Variants in EPHA3 observed in about 807,000 individuals in gnomAD.
EPHA3 encodes EPH receptor A3, also known as ephrin type-A receptor 3.
In EPHA3, 42 loss-of-function variants were observed where a neutral mutation model predicts 107.1. That is an observed-to-expected ratio of 0.39 (90% CI 0.31 to 0.51). The LOEUF (loss-of-function observed/expected upper bound fraction) is 0.51, where lower values mean the gene tolerates loss of function less well. EPHA3 is among the 20% of genes least tolerant of loss of function. EPHA3 has a pLI of 0.78. For synonymous variants in EPHA3, 461 were observed against 424.8 expected (o/e 1.09, Z -1.05); for missense variants, 1,183 against 1,211.2 (o/e 0.98, Z 0.35).
intron 3 of EPHA3, among the ~76,000 whole-genome samples, chr3:89,280,766 G>A (rs545256678): frequency 6.6e-6 from 1 of 152,150 alleles, no homozygotes; most frequent in African/African-American, 2.4e-5. Context: ...TAACAATACT[G>A]ACTATATTAC....
intron 12 of EPHA3, among the ~76,000 whole-genome samples, chr3:89,430,704 T>G (rs116723031): frequency 6.6e-6 from 1 of 152,148 alleles, no homozygotes; most frequent in Non-Finnish European, 1.5e-5. Context: ...TTTATGATAA[T>G]GTTTAAAAAT....
intron 5 of EPHA3, among the ~76,000 whole-genome samples, chr3:89,387,500 T>C (rs1409908555): frequency 2.0e-5 from 3 of 152,184 alleles, no homozygotes; most frequent in Non-Finnish European, 4.4e-5. Context: ...CTCTTTCATT[T>C]ATAAATTACC....
chr3:89,233,490 T>C (rs552177059), intron 3 of EPHA3, among the ~76,000 whole-genome samples: 6 of 152,338 alleles, frequency 3.9e-5, no homozygotes, highest in African/African-American at 1.2e-4. Context: ...TTCATTGTTA[T>C]TGTTGTTGAC....
chr3:89,178,518 T>C (rs1480812282), intron 2 of EPHA3, among the ~76,000 whole-genome samples: 1 of 152,008 alleles, frequency 6.6e-6, no homozygotes, highest in South Asian at 2.1e-4. Flanking sequence ...TTTTAGTCCT[T>C]GGGGAATAAT....
intron 13 of EPHA3, among the ~76,000 whole-genome samples, chr3:89,448,247 T>G (rs1709917613): frequency 6.6e-6 from 1 of 152,102 alleles, no homozygotes; most frequent in South Asian, 2.1e-4. Context: ...GAATCAAAAT[T>G]TTCATTTTAC....
intron 3 of EPHA3, among the ~76,000 whole-genome samples, chr3:89,335,070 G>A (rs1276727945): frequency 6.6e-6 from 1 of 151,988 alleles, no homozygotes; most frequent in Non-Finnish European, 1.5e-5. Context: ...TTAAAAGCTG[G>A]GATTTTGACT....
At chr3:89,229,549 A>G (rs1704578745) in intron 3 of EPHA3, among the ~76,000 whole-genome samples, 1 of 151,036 alleles carries the variant, frequency 6.6e-6, no homozygotes, top group South Asian at 2.1e-4. Flanking sequence ...AAATATATAT[A>G]TTTAATTAGG....
At chr3:89,182,930 A>G (rs759955387) in intron 2 of EPHA3, among the ~76,000 whole-genome samples, 2 of 152,010 alleles carry the variant, frequency 1.3e-5, no homozygotes, top group African/African-American at 4.8e-5. Context: ...AATGAAAATT[A>G]TCTACAATAA....
intron 2 of EPHA3, among the ~76,000 whole-genome samples, chr3:89,131,172 T>C (rs1321987471): frequency 1.9e-5 from 2 of 106,622 alleles, no homozygotes; most frequent in South Asian, 2.8e-4. Flanking sequence ...AGAGTTTTAT[T>C]TGACACTCAT....
At chr3:89,281,004 A>ATTTTTTTT (rs71105126) in intron 3 of EPHA3, among the ~76,000 whole-genome samples, 12 of 147,280 alleles carry the variant, frequency 8.1e-5, no homozygotes, top group Non-Finnish European at 1.0e-4. Context: ...CAAGATTTTT[A>ATTTTTTTT]TTATTTATTT....
intron 3 of EPHA3, among the ~76,000 whole-genome samples, chr3:89,284,384 A>G (rs1398887350): frequency 6.6e-6 from 1 of 152,196 alleles, no homozygotes; most frequent in Non-Finnish European, 1.5e-5. Flanking sequence ...ACATTCAGAA[A>G]TATCTAACTT....
In EPHA3 at chr3:89,298,894, T is replaced by G. The variant is rs76583063; in HGVS notation, c.815-42022T>G. On this transcript the variant is annotated intron_variant, in intron 3 of 16. Transcript: ENST00000336596. ...TGATAATTATATGTTTAGAGACCCC[T>G]TCATGGGTCTCTACTATCATCATGA... Among the ~76,000 whole-genome samples the G allele has an allele frequency of 7.6e-4, 115 of 152,184 alleles. 1 individual carries two copies. The East Asian group carries it at 0.019, about 26-fold the overall frequency.
At chr3:89,414,409 G>A (rs1480402913) in intron 10 of EPHA3, among the ~76,000 whole-genome samples, 1 of 151,646 alleles carries the variant, frequency 6.6e-6, no homozygotes, top group African/African-American at 2.4e-5. Context: ...TCTAAGACTT[G>A]AGAGTAAACA....
intron 5 of EPHA3, among the ~76,000 whole-genome samples, chr3:89,354,246 T>A (rs1707897382): frequency 6.6e-6 from 1 of 151,276 alleles, no homozygotes; most frequent in South Asian, 2.1e-4. Context: ...TATAATAGCA[T>A]CGTATGTGAG....
At chr3:89,242,766 T>TAA (rs59127701) in intron 3 of EPHA3, among the ~76,000 whole-genome samples, 4 of 151,392 alleles carry the variant, frequency 2.6e-5, no homozygotes, top group Non-Finnish European at 5.9e-5. Context: ...TTTATTTTTT[T>TAA]ATTATACTTT....
intron 5 of EPHA3, among the ~76,000 whole-genome samples, chr3:89,391,392 C>A (rs533045284): frequency 7.2e-6 from 1 of 139,308 alleles, no homozygotes; most frequent in South Asian, 2.3e-4. Flanking sequence ...TTTTTCTTTT[C>A]TTTTCTTTTC....
intron 3 of EPHA3, among the ~76,000 whole-genome samples, chr3:89,248,182 G>A (rs1038244858): frequency 6.6e-6 from 1 of 152,038 alleles, no homozygotes. Context: ...TTTTCACCAT[G>A]AAATCCATGC....
chr3:89,240,387 T>C (rs1704867098), intron 3 of EPHA3, among the ~76,000 whole-genome samples: 1 of 152,146 alleles, frequency 6.6e-6, no homozygotes. Context: ...GCTATACATA[T>C]AGTGTTATGC....
At chr3:89,394,070 A>T (rs1708800788) in intron 5 of EPHA3, among the ~76,000 whole-genome samples, 1 of 152,168 alleles carries the variant, frequency 6.6e-6, no homozygotes, top group Non-Finnish European at 1.5e-5. Context: ...AAGAAAATGA[A>T]TTTACTTTTT....
Sources: gnomAD v4.1 joint callset for allele counts (sites outside exome capture counted in the v4.1 genomes callset) on GRCh38, gnomAD v4.1.1 for gene constraint, MANE v1.5 for transcripts, NCBI Gene and HGNC (gene_info 2026-07-23, HGNC 2026-07-21) for gene names.